GLDN: variants seen among roughly 807,000 people sequenced by gnomAD.
GLDN encodes the protein collomin.
A neutral mutation model predicts 56.5 loss-of-function variants in GLDN; 47 were observed. That is an observed-to-expected ratio of 0.83 (90% CI 0.66 to 1.06). The LOEUF is 1.06. Among genes scored for constraint, GLDN ranks in the 50% least tolerant of loss-of-function variants. The probability of loss-of-function intolerance (pLI) is 0.00; values close to 1 mark genes in which losing one functional copy is unlikely to be tolerated. For synonymous variants in GLDN, 332 were observed against 278.8 expected, an observed-to-expected ratio of 1.19 and a Z score of -1.90; for missense variants, 782 against 714.3, an observed-to-expected ratio of 1.09 and a Z score of -1.08.
chr15:51,356,108 G>A (rs1037260043), intron 1 of GLDN, among the ~76,000 whole-genome samples: 3 of 151,848 alleles, frequency 2.0e-5, no homozygotes, highest in Middle Eastern at 3.4e-3. Flanking sequence ...TCCAGAGGCT[G>A]AGGCAGCGGA....
At chr15:51,343,025 C>T (rs1209005836) in intron 1 of GLDN, among the ~76,000 whole-genome samples, 2 of 152,214 alleles carry the variant, frequency 1.3e-5, no homozygotes, top group Non-Finnish European at 2.9e-5. Flanking sequence ...TTCCCCATTC[C>T]ATTTCATTAT....
In GLDN at chr15:51,401,862, A is replaced by T. The variant is rs1181375522; in HGVS notation, c.1178+119A>T. The stretch of plus-strand genomic sequence containing the variant: ...TCATCTTTGTGTCCCTAGGGCTGAC[A>T]CACTGAGGTCAATCAGGGTTTGTCG... On this transcript the variant is annotated intron_variant, in intron 9 of 9. Transcript: ENST00000335449. The T allele has an allele frequency of 4.7e-6, 4 of 856,964 alleles. No individual in the cohort carries two copies. The East Asian group carries it at 1.1e-4, about 23-fold the overall frequency. 53.1% of individuals were successfully genotyped at this position (856,964 alleles called of 1,614,324 possible). A position where few individuals can be genotyped will look rare whatever the true frequency, so the allele number is the denominator to read the frequency against.
chr15:51,400,290 C>A lies in GLDN; in HGVS notation c.901+15C>A, dbSNP rs571792605. 5 of 1,613,912 alleles carry A rather than the reference C, an allele frequency of 3.1e-6. No individual in the cohort carries two copies. The Admixed American group carries it at 8.3e-5, about 27-fold the overall frequency. On this transcript the variant is annotated intron_variant, in intron 7 of 9. Coordinates refer to ENST00000335449, the MANE Select transcript of GLDN (RefSeq NM_181789.4). ...CCCACAAGCAGGTATAGAAACAAAGCGTCCTGTCTTGAAATTCAGAAATTG... is the reference window on the plus strand; with the variant it reads ...CCCACAAGCAGGTATAGAAACAAAGAGTCCTGTCTTGAAATTCAGAAATTG...
At chr15:51,358,631 T>C (rs2470186) in intron 1 of GLDN, among the ~76,000 whole-genome samples, 72,982 of 152,078 alleles carry the variant, frequency 0.48, 18,368 homozygotes, top group African/African-American at 0.59. Context: ...CCATAGGGGA[T>C]GCCCTAGGGC....
chr15:51,379,324 G>A (rs1199376002), intron 2 of GLDN, among the ~76,000 whole-genome samples: 1 of 152,146 alleles, frequency 6.6e-6, no homozygotes, highest in Admixed American at 6.5e-5. Context: ...CATGTTATTG[G>A]GTTATTCTTC....
downstream of GLDN, chr15:51,408,045 T>C (rs192114264): frequency 2.6e-5 from 4 of 152,380 alleles, no homozygotes; most frequent in East Asian, 5.8e-4. Context: ...CTCTTGTTAA[T>C]GTATACGTAA....
At chr15:51,391,821 C>T (rs2038027505) in intron 4 of GLDN, among the ~76,000 whole-genome samples, 1 of 152,258 alleles carries the variant, frequency 6.6e-6, no homozygotes, top group Non-Finnish European at 1.5e-5. Flanking sequence ...TCTTCACATC[C>T]TCTTCTACTG....
chr15:51,352,159 T>C (rs929738671), intron 1 of GLDN, among the ~76,000 whole-genome samples: 5 of 152,020 alleles, frequency 3.3e-5, no homozygotes, highest in African/African-American at 1.2e-4. Context: ...GGGTGTCTGG[T>C]GAGGGTCTGT....
At chr15:51,350,186 A>G (rs1949186652) in intron 1 of GLDN, among the ~76,000 whole-genome samples, 1 of 152,218 alleles carries the variant, frequency 6.6e-6, no homozygotes, top group South Asian at 2.1e-4. Context: ...GTGAGGCTGT[A>G]GGGCTGAGCC....
chr15:51,387,986 G>A (rs991722206), intron 4 of GLDN, among the ~76,000 whole-genome samples: 2 of 152,150 alleles, frequency 1.3e-5, no homozygotes, highest in Non-Finnish European at 2.9e-5. Flanking sequence ...GCTCACCCTT[G>A]CCCCAGGACC....
chr15:51,358,127 C>T (rs2037222256), intron 1 of GLDN, among the ~76,000 whole-genome samples: 1 of 152,168 alleles, frequency 6.6e-6, no homozygotes, highest in African/African-American at 2.4e-5. Context: ...TAGAACTTCT[C>T]CACTCAAAGC....
intron 1 of GLDN, among the ~76,000 whole-genome samples, chr15:51,355,382 G>A (rs893376295): frequency 6.6e-6 from 1 of 152,168 alleles, no homozygotes; most frequent in Non-Finnish European, 1.5e-5. Flanking sequence ...AACTGTCATG[G>A]TGCTGGTGGG....
chr15:51,348,820 G>A (rs1273094477), intron 1 of GLDN, among the ~76,000 whole-genome samples: 1 of 152,172 alleles, frequency 6.6e-6, no homozygotes, highest in African/African-American at 2.4e-5. Context: ...ATTTGCAGAA[G>A]TCTCATCTCA....
At chr15:51,381,699 A>G (rs72729228) in intron 2 of GLDN, among the ~76,000 whole-genome samples, 190 of 151,890 alleles carry the variant, frequency 1.3e-3, no homozygotes, top group Non-Finnish European at 2.2e-3. Flanking sequence ...AGCTTTCTCT[A>G]CAATTCTACA....
intron 4 of GLDN, among the ~76,000 whole-genome samples, chr15:51,390,252 T>C: frequency 6.6e-6 from 1 of 152,254 alleles, no homozygotes; most frequent in East Asian, 1.9e-4. Context: ...TTGTAAGTGC[T>C]ATACTGGTGT....
At chr15:51,371,389 G>C (rs1466845530) in intron 1 of GLDN, among the ~76,000 whole-genome samples, 1 of 152,166 alleles carries the variant, frequency 6.6e-6, no homozygotes, top group African/African-American at 2.4e-5. Flanking sequence ...CTTTTTAACA[G>C]ATACTGCCAA....
intron 4 of GLDN, among the ~76,000 whole-genome samples, chr15:51,394,069 C>A (rs142192283): frequency 1.3e-5 from 2 of 152,212 alleles, no homozygotes; most frequent in African/African-American, 4.8e-5. Flanking sequence ...CCACTGTAGG[C>A]CTTAGTTTCA....
rs1422031182 is a variant in GLDN, at chr15:51,393,782, AG to A, written c.542-1050del. On this transcript the variant is annotated intron_variant, in intron 4 of 9. Coordinates refer to ENST00000335449, the MANE Select transcript of GLDN (RefSeq NM_181789.4). Reference sequence around the variant, plus strand: ...CAATCCAAGGGTGCTTTCACTGCTCAGGGTCCAAGGCTGACACAAGCTGTTA... The same window carrying A: ...CAATCCAAGGGTGCTTTCACTGCTCAGGTCCAAGGCTGACACAAGCTGTTA... 2.6e-5 allele frequency among the ~76,000 whole-genome samples: 4 copies of A among 152,224 alleles called. No homozygotes were observed. In the East Asian group the frequency reaches 7.7e-4, roughly 29 times the overall value.
At chr15:51,383,672 G>GA (rs1468024342) in intron 3 of GLDN, 113 bp from the exon 4 acceptor site, 5 of 947,740 alleles carry the variant, frequency 5.3e-6, no homozygotes, top group Non-Finnish European at 7.7e-6. Context: ...AAAGGATGTG[G>GA]AAAAGGAATT....
Sources: allele counts gnomAD v4.1 joint callset (sites outside exome capture counted in the v4.1 genomes callset), GRCh38; gene constraint gnomAD v4.1.1; transcripts MANE v1.5; gene names NCBI Gene and HGNC (gene_info 2026-07-23, HGNC 2026-07-21).